ANKS1B: variants seen among roughly 807,000 people sequenced by gnomAD.
ANKS1B encodes the protein ankyrin repeat and sterile alpha motif domain-containing protein 1B.
Under a neutral mutation model 148.3 loss-of-function variants are expected in ANKS1B, and 36 were observed. That is an observed-to-expected ratio of 0.24 (90% confidence interval 0.19 to 0.32). The LOEUF (loss-of-function observed/expected upper bound fraction) is 0.32. Ranked by LOEUF, ANKS1B falls within the 10% of genes least tolerant of loss-of-function variation. ANKS1B has a pLI of 1.00. For synonymous variants in ANKS1B, 542 were observed against 560.8 expected (o/e 0.97, Z 0.47); for missense variants, 1,157 against 1,542.6 (o/e 0.75, Z 4.19).
intron 10 of ANKS1B, among the ~76,000 whole-genome samples, chr12:99,493,638 A>T (rs1350181011): frequency 2.0e-5 from 3 of 152,158 alleles, no homozygotes; most frequent in Non-Finnish European, 4.4e-5. Context: ...AGGAATTGAT[A>T]GGGAGGTTGC....
At chr12:99,266,388 T>C (rs1368099105) in intron 12 of ANKS1B, among the ~76,000 whole-genome samples, 1 of 152,156 alleles carries the variant, frequency 6.6e-6, no homozygotes, top group East Asian at 1.9e-4. Flanking sequence ...GATAAGTGTT[T>C]TTTATCCATT....
chr12:99,953,761 T>A (rs2095268696), intron 1 of ANKS1B, among the ~76,000 whole-genome samples: 1 of 152,158 alleles, frequency 6.6e-6, no homozygotes, highest in Non-Finnish European at 1.5e-5. Context: ...AAGGCATTCT[T>A]ACTGCAAGGC....
At chr12:99,630,058 C>G (rs1413899187) in intron 9 of ANKS1B, among the ~76,000 whole-genome samples, 1 of 151,990 alleles carries the variant, frequency 6.6e-6, no homozygotes, top group Non-Finnish European at 1.5e-5. Context: ...CAAATGAAAG[C>G]AACAGATGTT....
chr12:98,892,515 A>G (rs144284269), intron 17 of ANKS1B, among the ~76,000 whole-genome samples: 671 of 152,348 alleles, frequency 4.4e-3, no homozygotes, highest in Non-Finnish European at 6.6e-3. Context: ...TGATCCCCTA[A>G]ACATTTCTGA....
chr12:99,951,728 AT>A (rs1401517440), intron 1 of ANKS1B, among the ~76,000 whole-genome samples: 9 of 144,868 alleles, frequency 6.2e-5, no homozygotes, highest in Non-Finnish European at 1.2e-4. Context: ...AAAAAAAAAA[AT>A]TAAAATTAGC....
intron 1 of ANKS1B, among the ~76,000 whole-genome samples, chr12:99,936,450 C>A (rs1008959372): frequency 6.6e-6 from 1 of 152,146 alleles, no homozygotes; most frequent in Non-Finnish European, 1.5e-5. Context: ...AGTTCAGGAC[C>A]AGCCTGGCCA....
intron 17 of ANKS1B, among the ~76,000 whole-genome samples, chr12:98,937,053 G>C (rs1010080022): frequency 2.6e-5 from 4 of 152,142 alleles, no homozygotes; most frequent in African/African-American, 9.7e-5. Flanking sequence ...TGGGAGTTCT[G>C]TGAAGAGTAG....
intron 22 of ANKS1B, among the ~76,000 whole-genome samples, chr12:98,788,262 C>CAAAA: frequency 8.7e-6 from 1 of 115,416 alleles, no homozygotes; most frequent in Admixed American, 9.4e-5. Context: ...AGAAAACAGA[C>CAAAA]AAAAAAAAAA....
chr12:99,806,941 C>T (rs1486930050), intron 3 of ANKS1B, among the ~76,000 whole-genome samples: 4 of 152,086 alleles, frequency 2.6e-5, no homozygotes, highest in Admixed American at 2.6e-4. Context: ...TCATATATGC[C>T]AACTTCCAAA....
intron 14 of ANKS1B, among the ~76,000 whole-genome samples, chr12:99,161,636 G>T (rs2076669674): frequency 6.6e-6 from 1 of 152,206 alleles, no homozygotes; most frequent in Admixed American, 6.5e-5. Context: ...TGGTAGGTTA[G>T]CTAGTTTTAA....
intron 9 of ANKS1B, among the ~76,000 whole-genome samples, chr12:99,559,676 A>C (rs1213562080): frequency 6.6e-6 from 1 of 152,238 alleles, no homozygotes; most frequent in African/African-American, 2.4e-5. Context: ...TCAGAAAAAG[A>C]AACAGGTTCA....
At chr12:98,895,360 G>A (rs2099762779) in intron 17 of ANKS1B, 1 of 967,884 alleles carries the variant, frequency 1.0e-6, no homozygotes, top group Admixed American at 6.2e-5. Flanking sequence ...GCAGCGGCGC[G>A]GCTCCGCGGG....
intron 9 of ANKS1B, among the ~76,000 whole-genome samples, chr12:99,517,514 T>G (rs1828543791): frequency 6.6e-6 from 1 of 150,962 alleles, no homozygotes; most frequent in South Asian, 2.1e-4. Flanking sequence ...GGTAAGGAGT[T>G]CGAGACTAGC....
chr12:99,449,349 G>C (rs755812995), intron 10 of ANKS1B, among the ~76,000 whole-genome samples: 1 of 152,010 alleles, frequency 6.6e-6, no homozygotes, highest in Non-Finnish European at 1.5e-5. Context: ...GTTGTTACAA[G>C]ATACACATTT....
At chr12:99,404,108 T>C (rs2094476444) in intron 11 of ANKS1B, among the ~76,000 whole-genome samples, 1 of 146,244 alleles carries the variant, frequency 6.8e-6, no homozygotes, top group South Asian at 2.1e-4. Context: ...TTCTCACTTA[T>C]ATGTGGGAGC....
intron 17 of ANKS1B, among the ~76,000 whole-genome samples, chr12:98,923,306 A>C (rs2099803937): frequency 6.6e-6 from 1 of 152,168 alleles, no homozygotes. Flanking sequence ...CACCAGACAC[A>C]GCTGCCTAAG....
At chr12:99,850,102 T>C (rs2087461511) in intron 1 of ANKS1B, among the ~76,000 whole-genome samples, 1 of 152,180 alleles carries the variant, frequency 6.6e-6, no homozygotes. Flanking sequence ...TTTCATTAGA[T>C]AACAGTGGTA....
chr12:99,834,967 C>A (rs781694384), intron 1 of ANKS1B, among the ~76,000 whole-genome samples: 2 of 152,156 alleles, frequency 1.3e-5, no homozygotes, highest in Non-Finnish European at 2.9e-5. Flanking sequence ...TAGTTTACTT[C>A]CATTTTTGGA....
chr12:99,277,389 G>C (rs2077810277), intron 12 of ANKS1B, among the ~76,000 whole-genome samples: 1 of 152,174 alleles, frequency 6.6e-6, no homozygotes. Context: ...AAGCTACTTT[G>C]GTGCCACATC....
Sources: gnomAD v4.1 joint callset for allele counts (sites outside exome capture counted in the v4.1 genomes callset) on GRCh38, gnomAD v4.1.1 for gene constraint, MANE v1.5 for transcripts, NCBI Gene and HGNC (gene_info 2026-07-23, HGNC 2026-07-21) for gene names.